Variants in DNAH12 observed in about 807,000 individuals in gnomAD.
The protein encoded by DNAH12 is dynein axonemal heavy chain 12.
Under a neutral mutation model 371.5 loss-of-function variants are expected in DNAH12, and 285 were observed. The observed-to-expected ratio is 0.77, with a 90% CI of 0.70 to 0.85. The LOEUF (loss-of-function observed/expected upper bound fraction) is 0.85. Among genes scored for constraint, DNAH12 ranks in the 40% least tolerant of loss-of-function variants. The probability of loss-of-function intolerance (pLI) is 0.00; values close to 1 mark genes in which losing one functional copy is unlikely to be tolerated. For missense variants in DNAH12, 3,611 were observed against 3,689.4 expected, an observed-to-expected ratio of 0.98 and a Z score of 0.55; for synonymous variants, 1,200 against 1,213.0, an observed-to-expected ratio of 0.99 and a Z score of 0.22.
chr3:57,438,802 A>G (rs764345108), intron 29 of DNAH12, among the ~76,000 whole-genome samples: 8 of 151,074 alleles, frequency 5.3e-5, no homozygotes, highest in Non-Finnish European at 8.8e-5. Flanking sequence ...AAAATACAAA[A>G]CTATCTGGGC....
At chr3:57,322,886 C>G (rs188095634) in intron 64 of DNAH12, 121 bp downstream of exon 64, 15 of 1,361,056 alleles carry the variant, frequency 1.1e-5, no homozygotes, top group Non-Finnish European at 1.5e-5. Context: ...GCCGAAATTG[C>G]GCCACTGCAC....
chr3:57,295,008 G>A (rs1490387910), intron 73 of DNAH12, among the ~76,000 whole-genome samples: 1 of 152,186 alleles, frequency 6.6e-6, no homozygotes, highest in African/African-American at 2.4e-5. Context: ...CTTGTAGAAA[G>A]ATGATGATGG....
At chr3:57,447,221 G>A (rs2065534315) in intron 25 of DNAH12, among the ~76,000 whole-genome samples, 1 of 152,124 alleles carries the variant, frequency 6.6e-6, no homozygotes, top group Non-Finnish European at 1.5e-5. Flanking sequence ...TCTCTTACCG[G>A]TAGTATCACT....
intron 65 of DNAH12, among the ~76,000 whole-genome samples, chr3:57,317,622 T>G (rs1283194384): frequency 6.6e-6 from 1 of 152,212 alleles, no homozygotes; most frequent in Non-Finnish European, 1.5e-5. Flanking sequence ...CTATTGTGAA[T>G]GGTGCTGCAA....
intron 62 of DNAH12, among the ~76,000 whole-genome samples, chr3:57,329,092 C>G (rs1046737024): frequency 6.7e-6 from 1 of 149,016 alleles, no homozygotes; most frequent in Non-Finnish European, 1.5e-5. Flanking sequence ...ACATTCCATG[C>G]TCATGGGTAG....
the DNAH12 span, among the ~76,000 whole-genome samples, chr3:57,554,051 G>A: frequency 2.0e-5 from 3 of 151,490 alleles, no homozygotes; most frequent in African/African-American, 7.3e-5. Flanking sequence ...ATGAAACCCC[G>A]TCTAATTTTT....
intron 2 of DNAH12, among the ~76,000 whole-genome samples, chr3:57,531,926 T>A (rs2068863519): frequency 6.6e-6 from 1 of 152,132 alleles, no homozygotes; most frequent in African/African-American, 2.4e-5. Context: ...AAACCTTCTA[T>A]CCTGTCTCTT....
chr3:57,495,991 T>TATATATATATATATA (rs1553710405), intron 11 of DNAH12, among the ~76,000 whole-genome samples: 1 of 142,380 alleles, frequency 7.0e-6, no homozygotes, highest in Non-Finnish European at 1.5e-5. Context: ...TTTATATATA[T>TATATATATATATATA]TATATATATA....
chr3:57,542,522 G>C (rs528616363), intron 2 of DNAH12, among the ~76,000 whole-genome samples, 179 bp downstream of exon 2: 1 of 152,306 alleles, frequency 6.6e-6, no homozygotes, highest in Non-Finnish European at 1.5e-5. Flanking sequence ...ATGTCTGTCA[G>C]TGTACAGTGT....
intron 2 of DNAH12, among the ~76,000 whole-genome samples, chr3:57,529,943 AT>A (rs1347475041): frequency 6.6e-6 from 1 of 151,962 alleles, no homozygotes; most frequent in East Asian, 1.9e-4. Flanking sequence ...TTCCATTATC[AT>A]TTGTTTCAAG....
chr3:57,412,199 G>T (rs2064229178), intron 39 of DNAH12, among the ~76,000 whole-genome samples: 1 of 152,134 alleles, frequency 6.6e-6, no homozygotes, highest in Non-Finnish European at 1.5e-5. Flanking sequence ...TGACAACATA[G>T]CAAGACCCCT....
At chr3:57,526,015 G>T (rs763320841) in intron 2 of DNAH12, among the ~76,000 whole-genome samples, 2 of 151,660 alleles carry the variant, frequency 1.3e-5, no homozygotes, top group Non-Finnish European at 2.9e-5. Flanking sequence ...CACCTGCCTC[G>T]GCCTCCCAAA....
At chr3:57,513,384 A>G (rs1413305064) in intron 4 of DNAH12, among the ~76,000 whole-genome samples, 1 of 152,164 alleles carries the variant, frequency 6.6e-6, no homozygotes, top group African/African-American at 2.4e-5. Flanking sequence ...GAGGGCAAGG[A>G]GAGGGATCCT....
chr3:57,509,677 C>T (rs1478345574), intron 5 of DNAH12, among the ~76,000 whole-genome samples: 1 of 151,902 alleles, frequency 6.6e-6, no homozygotes, highest in Non-Finnish European at 1.5e-5. Context: ...GGCTAGCCAA[C>T]ATGGTGAAAC....
rs2067055571 is a variant in DNAH12 at position 57,489,780 on chromosome 3, A to G, written c.1336-93T>C. 2.4e-6 allele frequency: 3 copies of G among 1,224,622 alleles called. No homozygotes were observed. In the Admixed American group the frequency reaches 1.1e-4, roughly 45 times the overall value. 75.9% of individuals were successfully genotyped at this position (1,224,622 alleles called of 1,614,324 possible). ...TGTTATGAAAGTCCTAATTATATAA[A>G]TACAACTTTATTTCTTTTTTGCTAA... On this transcript the variant is annotated intron_variant, in intron 11 of 73. Transcript: ENST00000495027.
At chr3:57,313,579 G>T (rs756340076) in intron 66 of DNAH12, among the ~76,000 whole-genome samples, 1 of 152,152 alleles carries the variant, frequency 6.6e-6, no homozygotes, top group African/African-American at 2.4e-5. Context: ...GCTTGAACTG[G>T]GAGGCACAGC....
intron 65 of DNAH12, among the ~76,000 whole-genome samples, chr3:57,319,445 T>C (rs923472689): frequency 6.6e-6 from 1 of 152,236 alleles, no homozygotes; most frequent in Non-Finnish European, 1.5e-5. Flanking sequence ...CCATGCCTTC[T>C]TTCTGATCTT....
intron 20 of DNAH12, 145 bp from the exon 21 acceptor site, chr3:57,458,365 A>T (rs767118926): frequency 2.7e-6 from 3 of 1,115,942 alleles, no homozygotes; most frequent in South Asian, 2.6e-5. Flanking sequence ...TTGCAATGAA[A>T]TTTTTTGTAG....
At position 57,519,844 on chromosome 3, in the gene DNAH12, T is replaced by C. The variant is rs2068343243; in HGVS notation, c.279+3739A>G. ...ACATCTGAGACAGGCATCCATCACC[T>C]GGACTCTGCAGATGGCGCACATATC... On this transcript the variant is annotated intron_variant, in intron 4 of 73. Coordinates refer to ENST00000495027, the MANE Select transcript of DNAH12 (RefSeq NM_001366028.2). The C allele has an allele frequency of 6.3e-6, 7 of 1,105,448 alleles. No individual in the cohort carries two copies. In the South Asian group the frequency reaches 7.4e-5, roughly 12 times the overall value. 68.5% of individuals were successfully genotyped at this position (1,105,448 alleles called of 1,614,324 possible).
Sources: allele counts gnomAD v4.1 joint callset (sites outside exome capture counted in the v4.1 genomes callset), GRCh38; gene constraint gnomAD v4.1.1; transcripts MANE v1.5; gene names NCBI Gene and HGNC (gene_info 2026-07-23, HGNC 2026-07-21).